FRMPD4: variants seen among roughly 807,000 people sequenced by gnomAD.
FRMPD4 encodes FERM and PDZ domain containing 4.
FRMPD4 carries 22 observed loss-of-function variants against 94.1 expected under a neutral mutation model. The ratio of observed to expected loss-of-function variants is 0.23; its 90% CI spans 0.17 to 0.33. FRMPD4 has a LOEUF of 0.33. Among genes scored for constraint, FRMPD4 ranks in the 10% least tolerant of loss-of-function variants. FRMPD4 has a pLI of 1.00. For synonymous variants in FRMPD4, 631 were observed against 548.6 expected (o/e 1.15, Z -2.10); for missense variants, 1,111 against 1,339.9 (o/e 0.83, Z 2.67).
intron 3 of FRMPD4, among the ~76,000 whole-genome samples, chrX:11,996,730 T>G (rs942346984): frequency 2.7e-5 from 3 of 111,836 alleles, no homozygotes. Flanking sequence ...CTATTACCTA[T>G]TATGTTTAGT....
intron 5 of FRMPD4, among the ~76,000 whole-genome samples, chrX:12,678,970 G>A (rs2059932999): frequency 8.9e-6 from 1 of 112,596 alleles, no homozygotes; most frequent in South Asian, 3.7e-4. Context: ...AAAGAGCTGA[G>A]GGACCCGCTT....
chrX:12,475,216 T>A (rs916451620), intron 1 of FRMPD4, among the ~76,000 whole-genome samples: 2 of 111,967 alleles, frequency 1.8e-5, no homozygotes, highest in African/African-American at 6.5e-5. Context: ...AAAAACCACA[T>A]GATTATCTCA....
intron 3 of FRMPD4, among the ~76,000 whole-genome samples, chrX:11,932,797 G>T (rs1399651824): frequency 9.0e-6 from 1 of 110,683 alleles, no homozygotes; most frequent in Non-Finnish European, 1.9e-5. Flanking sequence ...TCACATTTTC[G>T]CAGGATTTGC....
At chrX:12,085,717 T>C (rs1674436541) in intron 3 of FRMPD4, among the ~76,000 whole-genome samples, 1 of 109,541 alleles carries the variant, frequency 9.1e-6, no homozygotes, top group African/African-American at 3.3e-5. Flanking sequence ...ACAAAAAATA[T>C]AAAAATTAGC....
chrX:12,416,753 G>C (rs2056806219), intron 1 of FRMPD4, among the ~76,000 whole-genome samples: 1 of 111,745 alleles, frequency 8.9e-6, no homozygotes, highest in Non-Finnish European at 1.9e-5. Context: ...AAACATTTTT[G>C]AAGGTATCTA....
chrX:11,839,856 T>C (rs188002157), intron 1 of FRMPD4, among the ~76,000 whole-genome samples: 53 of 111,305 alleles, frequency 4.8e-4, no homozygotes, highest in African/African-American at 1.7e-3. Flanking sequence ...TCTCATTGAA[T>C]TGTCTCAGTG....
intron 1 of FRMPD4, among the ~76,000 whole-genome samples, chrX:12,356,934 A>G (rs1314880448): frequency 8.9e-6 from 1 of 112,025 alleles, no homozygotes; most frequent in Non-Finnish European, 1.9e-5. Context: ...ATTCCCTTTT[A>G]ACCTTACTTC....
intron 3 of FRMPD4, among the ~76,000 whole-genome samples, chrX:11,976,885 T>G (rs934922164): frequency 4.5e-5 from 5 of 112,103 alleles, no homozygotes; most frequent in African/African-American, 1.6e-4. Context: ...GGACCAACTC[T>G]GTGATCATTT....
At chrX:12,355,967 AC>A (rs1443711110) in intron 1 of FRMPD4, among the ~76,000 whole-genome samples, 3 of 111,857 alleles carry the variant, frequency 2.7e-5, no homozygotes, top group Non-Finnish European at 5.6e-5. Flanking sequence ...AAGACTGGGG[AC>A]GTGGATTTTG....
chrX:11,967,183 T>C (rs1387704123), intron 3 of FRMPD4, among the ~76,000 whole-genome samples: 6 of 112,311 alleles, frequency 5.3e-5, no homozygotes, highest in African/African-American at 1.6e-4. Flanking sequence ...ATTCCTGGGC[T>C]CAAGCAATCC....
At chrX:11,907,376 G>A (rs2053973684) in intron 3 of FRMPD4, among the ~76,000 whole-genome samples, 1 of 111,398 alleles carries the variant, frequency 9.0e-6, no homozygotes, top group African/African-American at 3.3e-5. Flanking sequence ...TGGATAGAAG[G>A]CTGGATATTT....
At chrX:12,350,008 G>C (rs1244603376) in intron 1 of FRMPD4, among the ~76,000 whole-genome samples, 1 of 111,548 alleles carries the variant, frequency 9.0e-6, no homozygotes, top group African/African-American at 3.3e-5. Context: ...GGAGTTAAGA[G>C]GAAGCTATGT....
intron 3 of FRMPD4, among the ~76,000 whole-genome samples, chrX:11,987,532 A>G (rs1001441971): frequency 9.0e-6 from 1 of 111,657 alleles, no homozygotes; most frequent in South Asian, 3.8e-4. Context: ...ACCCACTTTC[A>G]CCACTGTTAT....
chrX:12,418,730 A>G (rs1214232279), intron 1 of FRMPD4, among the ~76,000 whole-genome samples: 2 of 111,485 alleles, frequency 1.8e-5, no homozygotes, highest in Non-Finnish European at 3.8e-5. Flanking sequence ...CATAGAAGAA[A>G]ACTGCTGCTG....
chrX:12,664,708 C>T (rs983661025), intron 4 of FRMPD4, among the ~76,000 whole-genome samples: 1 of 111,823 alleles, frequency 8.9e-6, no homozygotes, highest in African/African-American at 3.3e-5. Context: ...CAGGACGATG[C>T]TGGCCTCATA....
intron 1 of FRMPD4, among the ~76,000 whole-genome samples, chrX:12,439,551 A>G (rs1245611320): frequency 8.9e-6 from 1 of 111,856 alleles, no homozygotes; most frequent in Non-Finnish European, 1.9e-5. Context: ...CATCTCAGCA[A>G]GAGCCCGTGG....
chrX:12,655,035 G>C (rs780986257), intron 4 of FRMPD4, among the ~76,000 whole-genome samples: 115 of 111,936 alleles, frequency 1.0e-3, no homozygotes, highest in Admixed American at 1.4e-3. Flanking sequence ...CAAGTAATTT[G>C]TGTAGTACAC....
At chrX:12,218,055 A>G (rs2056826577) in intron 1 of FRMPD4, among the ~76,000 whole-genome samples, 1 of 111,645 alleles carries the variant, frequency 9.0e-6, no homozygotes, top group Non-Finnish European at 1.9e-5. Flanking sequence ...GTATGATTGG[A>G]CTTGAGAAAT....
chrX:12,568,482 C>G (rs2095959343), intron 2 of FRMPD4, among the ~76,000 whole-genome samples: 2 of 112,184 alleles, frequency 1.8e-5, no homozygotes, highest in Admixed American at 1.9e-4. Flanking sequence ...CTTTCCATAT[C>G]AACACACAAA....
Sources: allele counts gnomAD v4.1 joint callset (sites outside exome capture counted in the v4.1 genomes callset), GRCh38; gene constraint gnomAD v4.1.1; transcripts MANE v1.5; gene names NCBI Gene and HGNC (gene_info 2026-07-23, HGNC 2026-07-21).